The following PEX5L variants were observed in gnomAD, a reference collection of about 807,000 sequenced individuals.
PEX5L encodes PEX5-related protein.
A neutral mutation model predicts 84.0 loss-of-function variants in PEX5L; 30 were observed. The observed-to-expected ratio is 0.36, with a 90% CI of 0.27 to 0.48. The LOEUF is 0.48. Among genes scored for constraint, PEX5L ranks in the 20% least tolerant of loss-of-function variants. The probability of loss-of-function intolerance (pLI) is 0.99; values close to 1 mark genes in which losing one functional copy is unlikely to be tolerated. For synonymous variants in PEX5L, 270 were observed against 283.1 expected, an observed-to-expected ratio of 0.95 and a Z score of 0.46; for missense variants, 533 against 754.6, an observed-to-expected ratio of 0.71 and a Z score of 3.44.
At chr3:179,952,646 A>G (rs7620196) in intron 2 of PEX5L, among the ~76,000 whole-genome samples, 139,285 of 152,204 alleles carry the variant, frequency 0.92, 63,797 homozygotes, top group South Asian at 0.97. Context: ...TGGATAGGAA[A>G]AATCAATATT....
intron 2 of PEX5L, among the ~76,000 whole-genome samples, chr3:179,958,306 C>A (rs909376877): frequency 6.6e-6 from 1 of 152,140 alleles, no homozygotes. Flanking sequence ...CTTGACCCAG[C>A]ACTGCCATGT....
chr3:179,805,169 T>TC (rs1217194764), intron 14 of PEX5L, among the ~76,000 whole-genome samples: 1 of 135,938 alleles, frequency 7.4e-6, no homozygotes, highest in African/African-American at 3.0e-5. Context: ...TTTTTTTTTT[T>TC]CAGGAAAAAG....
intron 2 of PEX5L, among the ~76,000 whole-genome samples, chr3:179,950,743 ACTGG>A (rs1778866325): frequency 6.6e-6 from 1 of 152,174 alleles, no homozygotes; most frequent in African/African-American, 2.4e-5. Context: ...CATGCCCCTC[ACTGG>A]CACTGCACGT....
At chr3:179,959,419 A>C (rs914093521) in intron 2 of PEX5L, among the ~76,000 whole-genome samples, 33 of 152,218 alleles carry the variant, frequency 2.2e-4, no homozygotes, top group Non-Finnish European at 2.1e-4. Context: ...CTGTAAGTCC[A>C]ACCATACCGG....
chr3:179,879,941 A>T lies in PEX5L; in HGVS notation c.493T>A (p.Ser165Thr). 6.3e-7 allele frequency: 1 copy of T among 1,588,262 alleles called. No homozygotes were observed. Among genetic ancestry groups the T allele is most frequent in the Non-Finnish European group, 8.5e-7 (1 of 1,170,596 alleles). Reference protein sequence around the residue: ...GQPLRVPETSSLDLDIQTQLE... With the variant: ...GQPLRVPETSTLDLDIQTQLE... ...GCGATTGCCTTACCTAGATCTAAGG[A>T]TGAAGTCTCCGGGACTCTGAGAGGC... The change falls in exon 5 of 15, where the codon TCC (serine) becomes ACC (threonine). Residue 165 changes from serine to threonine, a missense_variant. Around this residue, in one of 8 missense-constraint regions of PEX5L, gnomAD observed 259 missense variants for 301.7 expected, o/e 0.86. Transcript: ENST00000467460.
chr3:179,963,178 G>C (rs778111055), intron 2 of PEX5L, among the ~76,000 whole-genome samples: 23 of 152,268 alleles, frequency 1.5e-4, no homozygotes, highest in Middle Eastern at 3.4e-3. Context: ...GGGGAAGATG[G>C]ACTGGTAGAG....
chr3:179,838,842 C>CT (rs1229858521), intron 8 of PEX5L, among the ~76,000 whole-genome samples: 2 of 151,972 alleles, frequency 1.3e-5, no homozygotes, highest in African/African-American at 2.4e-5. Context: ...GAAGGAAACG[C>CT]TTTATATATA....
chr3:179,919,100 T>G (rs1027591895), intron 2 of PEX5L, among the ~76,000 whole-genome samples: 3 of 152,224 alleles, frequency 2.0e-5, no homozygotes, highest in Non-Finnish European at 1.5e-5. Flanking sequence ...GATTGTTTTT[T>G]GTGTACATCA....
At chr3:179,848,118 A>G (rs1355727949) in intron 8 of PEX5L, among the ~76,000 whole-genome samples, 1 of 152,214 alleles carries the variant, frequency 6.6e-6, no homozygotes, top group African/African-American at 2.4e-5. Context: ...CCTTTTCAAT[A>G]AACAACGAGT....
chr3:179,986,081 G>A (rs537995723), intron 1 of PEX5L, among the ~76,000 whole-genome samples: 2 of 151,912 alleles, frequency 1.3e-5, no homozygotes, highest in African/African-American at 2.4e-5. Context: ...TGATCCCAAC[G>A]TAGTATATGT....
intron 2 of PEX5L, chr3:179,900,838 T>C (rs1029375361): frequency 2.2e-5 from 16 of 723,466 alleles, no homozygotes; most frequent in Non-Finnish European, 3.8e-5. Flanking sequence ...GTCACTGTTT[T>C]ACAAGTGCGG....
intron 1 of PEX5L, among the ~76,000 whole-genome samples, chr3:180,015,203 C>T (rs561629596): frequency 7.2e-5 from 11 of 152,260 alleles, no homozygotes; most frequent in African/African-American, 2.6e-4. Context: ...AGGACAGGAA[C>T]CACACCTCAT....
At chr3:180,014,453 CAG>C in intron 1 of PEX5L, among the ~76,000 whole-genome samples, 1 of 149,404 alleles carries the variant, frequency 6.7e-6, no homozygotes, top group East Asian at 1.9e-4. Context: ...GCCTGGGTGA[CAG>C]AGCGAGACTC....
chr3:179,895,399 C>T (rs1758934971), intron 3 of PEX5L, among the ~76,000 whole-genome samples: 1 of 152,068 alleles, frequency 6.6e-6, no homozygotes. Context: ...TCCTCAAAGA[C>T]TTGATTCACA....
At chr3:179,989,220 T>C (rs548888541) in intron 1 of PEX5L, among the ~76,000 whole-genome samples, 7 of 152,300 alleles carry the variant, frequency 4.6e-5, no homozygotes, top group Middle Eastern at 3.4e-3. Flanking sequence ...TCTAGGAAAG[T>C]TTAGATGCTT....
chr3:179,802,837 G>C (rs576125836), intron 14 of PEX5L, among the ~76,000 whole-genome samples: 1 of 149,394 alleles, frequency 6.7e-6, no homozygotes, highest in East Asian at 2.0e-4. Context: ...TTGAATCCCA[G>C]TTATTTAGCA....
chr3:179,931,869 A>G (rs1333209702), intron 2 of PEX5L, among the ~76,000 whole-genome samples: 2 of 152,212 alleles, frequency 1.3e-5, no homozygotes, highest in Non-Finnish European at 2.9e-5. Flanking sequence ...CAGATTGGCA[A>G]AGATTAAAAA....
In PEX5L at chr3:179,798,400, G is replaced by A. The variant is rs989027613; in HGVS notation, c.*3428C>T. 4 of 152,270 alleles carry A rather than the reference G, an allele frequency of 2.6e-5. No homozygotes were observed. Among genetic ancestry groups the A allele is most frequent in the Non-Finnish European group, 5.9e-5 (4 of 68,018 alleles). The allele number at this position is 152,270 out of a possible 1,614,324, so 9.4% of individuals were successfully genotyped here. A position where few individuals can be genotyped will look rare whatever the true frequency, so the allele number is the denominator to read the frequency against. ...AATGAATCAGTATGATTGGCCCAGT[G>A]AGAGGGATTTTTATTCCTCCTCCTC... On this transcript the variant is annotated 3_prime_UTR_variant, in exon 15 of 15. Transcript: ENST00000467460.
intron 1 of PEX5L, among the ~76,000 whole-genome samples, chr3:179,980,972 C>T (rs1256832538): frequency 6.7e-6 from 1 of 150,292 alleles, no homozygotes; most frequent in Non-Finnish European, 1.5e-5. Flanking sequence ...TGCAGTGAGC[C>T]GAGATTGTAC....
Sources: gnomAD v4.1 joint callset for allele counts (sites outside exome capture counted in the v4.1 genomes callset) on GRCh38, gnomAD v4.1.1 for gene constraint, gnomAD v4.1.1 regional missense constraint, MANE v1.5 for transcripts, NCBI Gene and HGNC (gene_info 2026-07-23, HGNC 2026-07-21) for gene names.